Variants in BRINP2 observed in about 807,000 individuals in gnomAD.
The protein encoded by BRINP2 is BMP/retinoic acid-inducible neural-specific protein 2.
Under a neutral mutation model 69.2 loss-of-function variants are expected in BRINP2, and 21 were observed. The ratio of observed to expected loss-of-function variants is 0.30; its 90% CI spans 0.22 to 0.44. BRINP2 has a LOEUF of 0.44. Among genes scored for constraint, BRINP2 ranks in the 20% least tolerant of loss-of-function variants. BRINP2 has a pLI of 1.00. For missense variants in BRINP2, 877 were observed against 986.0 expected (o/e 0.89, Z 1.48); for synonymous variants, 380 against 394.1 (o/e 0.96, Z 0.42).
chr1:177,211,509 A>G (rs1470163126), intron 1 of BRINP2, among the ~76,000 whole-genome samples: 3 of 152,266 alleles, frequency 2.0e-5, no homozygotes, highest in East Asian at 3.9e-4. Flanking sequence ...TTTGACCTTC[A>G]TGACCTTAAT....
intron 4 of BRINP2, among the ~76,000 whole-genome samples, 187 bp from the exon 5 acceptor site, chr1:177,273,301 G>C (rs1294740163): frequency 1.3e-5 from 2 of 152,180 alleles, no homozygotes; most frequent in Non-Finnish European, 2.9e-5. Flanking sequence ...ATATGTAACA[G>C]ATACTCACTG....
intron 1 of BRINP2, among the ~76,000 whole-genome samples, chr1:177,184,015 C>A (rs1648342632): frequency 6.6e-6 from 1 of 152,212 alleles, no homozygotes; most frequent in Admixed American, 6.5e-5. Context: ...TGATTTCCTT[C>A]CACTTTCAGT....
At chr1:177,277,554 A>G (rs774523836) in intron 6 of BRINP2, among the ~76,000 whole-genome samples, 23 of 151,638 alleles carry the variant, frequency 1.5e-4, no homozygotes, top group Admixed American at 2.6e-4. Flanking sequence ...TGCCATTACT[A>G]GGCATGATTC....
intron 2 of BRINP2, 44 bp from the exon 3 acceptor site, chr1:177,255,875 T>G: frequency 1.3e-6 from 2 of 1,591,346 alleles, no homozygotes; most frequent in East Asian, 4.5e-5. Flanking sequence ...CCTCTTGCTC[T>G]GAAACGAGGT....
intron 2 of BRINP2, among the ~76,000 whole-genome samples, chr1:177,239,798 G>T (rs1571923203): frequency 1.3e-5 from 2 of 152,296 alleles, no homozygotes; most frequent in South Asian, 2.1e-4. Context: ...AGATTTCTAG[G>T]TATAGCTGTG....
At position 177,184,935 on chromosome 1, in the gene BRINP2, T is replaced by A. The variant is rs187639167; in HGVS notation, c.-77+13203T>A. Among the ~76,000 whole-genome samples the A allele has an allele frequency of 8.4e-4, 128 of 152,292 alleles. 1 individual carries two copies. Among genetic ancestry groups the A allele is most frequent in the African/African-American group, 3.0e-3 (125 of 41,562 alleles). On this transcript the variant is annotated intron_variant, in intron 1 of 7. Transcript: ENST00000361539. ...ATGCAATGTGCACCTGGGGAGCTTA[T>A]TAAAATGCAGAATCCCCAGCCCCTC...
chr1:177,253,605 T>C (rs566744535), intron 2 of BRINP2, among the ~76,000 whole-genome samples: 1 of 152,264 alleles, frequency 6.6e-6, no homozygotes, highest in Non-Finnish European at 1.5e-5. Context: ...CCAAAAAAAC[T>C]TGCCCACATC....
At chr1:177,216,206 G>T (rs768911226) in intron 1 of BRINP2, among the ~76,000 whole-genome samples, 3 of 151,824 alleles carry the variant, frequency 2.0e-5, no homozygotes, top group Admixed American at 1.3e-4. Flanking sequence ...CTCCATTTCT[G>T]TCTTTGTAGT....
chr1:177,267,516 G>A (rs1304955006), intron 4 of BRINP2, among the ~76,000 whole-genome samples: 3 of 152,076 alleles, frequency 2.0e-5, no homozygotes, highest in Non-Finnish European at 4.4e-5. Flanking sequence ...TCACTACTTT[G>A]TTCATCGCCA....
intron 1 of BRINP2, among the ~76,000 whole-genome samples, chr1:177,192,048 A>G (rs1351120530): frequency 6.6e-6 from 1 of 152,244 alleles, no homozygotes; most frequent in Admixed American, 6.5e-5. Flanking sequence ...TAAAGGTGGC[A>G]TCAATCAGTT....
intron 2 of BRINP2, among the ~76,000 whole-genome samples, chr1:177,234,574 C>T (rs1202840494): frequency 1.3e-5 from 2 of 151,982 alleles, no homozygotes; most frequent in African/African-American, 4.8e-5. Context: ...ATCCAAGCCA[C>T]TATGATGAAA....
chr1:177,263,434 C>T (rs994604788), intron 4 of BRINP2, among the ~76,000 whole-genome samples: 1 of 152,124 alleles, frequency 6.6e-6, no homozygotes, highest in African/African-American at 2.4e-5. Context: ...GATGAAGGAA[C>T]AGTGTTCAGG....
intron 1 of BRINP2, among the ~76,000 whole-genome samples, chr1:177,211,801 T>G (rs1307423785): frequency 6.6e-6 from 1 of 152,176 alleles, no homozygotes; most frequent in Non-Finnish European, 1.5e-5. Flanking sequence ...TGTATAAGTG[T>G]TTTGAAGAAA....
In BRINP2 at chr1:177,229,909, G is replaced by C. The variant is rs147698296; in HGVS notation, c.33G>C (p.Gly11=). Residue 11 remains glycine, a synonymous_variant, in exon 2 of 8, where the codon GGG becomes GGC. Transcript: ENST00000361539. MRWQCGTRFR[G]LRPAVAPWTA... ...GGCAGTGTGGCACTCGGTTTAGAGG[G>C]CTTCGGCCGGCGGTGGCCCCATGGA... The C allele has an allele frequency of 2.1e-4, 342 of 1,605,908 alleles. No homozygotes were observed. The African/African-American group carries it at 4.2e-3, about 20-fold the overall frequency.
chr1:177,173,292 A>T (rs1647993851), intron 1 of BRINP2, among the ~76,000 whole-genome samples: 1 of 152,342 alleles, frequency 6.6e-6, no homozygotes, highest in African/African-American at 2.4e-5. Flanking sequence ...TTCTTTGAGG[A>T]GGATATAATT....
intron 1 of BRINP2, among the ~76,000 whole-genome samples, chr1:177,183,729 G>T (rs542932942): frequency 6.6e-6 from 1 of 152,178 alleles, no homozygotes; most frequent in Non-Finnish European, 1.5e-5. Flanking sequence ...GGATACTGAC[G>T]TGGTGAACCA....
At chr1:177,219,037 G>A (rs1374772738) in intron 1 of BRINP2, among the ~76,000 whole-genome samples, 1 of 152,294 alleles carries the variant, frequency 6.6e-6, no homozygotes, top group African/African-American at 2.4e-5. Context: ...AGGAAGGAGA[G>A]TTATTTGGCT....
intron 1 of BRINP2, among the ~76,000 whole-genome samples, chr1:177,217,338 A>G (rs577975309): frequency 3.3e-5 from 5 of 152,206 alleles, no homozygotes; most frequent in African/African-American, 1.2e-4. Context: ...TTCATTTTAA[A>G]AATCTCCATT....
At chr1:177,258,484 G>C (rs1288556522) in intron 4 of BRINP2, among the ~76,000 whole-genome samples, 1 of 152,228 alleles carries the variant, frequency 6.6e-6, no homozygotes, top group Non-Finnish European at 1.5e-5. Context: ...TAATAGCAGA[G>C]AGATCATTCA....
Sources: gnomAD v4.1 joint callset for allele counts (sites outside exome capture counted in the v4.1 genomes callset) on GRCh38, gnomAD v4.1.1 for gene constraint, MANE v1.5 for transcripts, NCBI Gene and HGNC (gene_info 2026-07-23, HGNC 2026-07-21) for gene names.